Variants in GBP6 observed in about 807,000 individuals in gnomAD.
GBP6 encodes the protein guanylate-binding protein 6.
In GBP6, 54 loss-of-function variants were observed where a neutral mutation model predicts 61.5. That is an observed-to-expected ratio of 0.88 (90% CI 0.71 to 1.10). The LOEUF is 1.10. GBP6 is among the 50% of genes least tolerant of loss of function. GBP6 has a pLI of 0.00. For missense variants in GBP6, 748 were observed against 752.8 expected (o/e 0.99, Z 0.07); for synonymous variants, 255 against 273.7 (o/e 0.93, Z 0.67).
chr1:89,383,045 G>A (rs1297925464), intron 8 of GBP6, among the ~76,000 whole-genome samples, 169 bp downstream of exon 8: 1 of 152,050 alleles, frequency 6.6e-6, no homozygotes, highest in Non-Finnish European at 1.5e-5. Flanking sequence ...AAAACAAAGA[G>A]TATAGTATTC....
intron 1 of GBP6, among the ~76,000 whole-genome samples, chr1:89,364,514 G>A (rs1652404991): frequency 2.0e-5 from 3 of 152,160 alleles, no homozygotes; most frequent in Admixed American, 2.0e-4. Context: ...GTCACACTTA[G>A]GAAAGCTTCA....
chr1:89,385,555 T>C lies in GBP6; in HGVS notation c.*86T>C, dbSNP rs1653118638. 1 of 1,344,214 alleles carries C rather than the reference T, an allele frequency of 7.4e-7. No homozygotes were observed. 83.3% of individuals were successfully genotyped at this position (1,344,214 alleles called of 1,614,324 possible). Reference sequence around the variant, plus strand: ...TCATTCAGCAAGTTTTTTTTTTTTTTCAGAGTCTTACTCTGTTGCCCAGGC... The same window carrying C: ...TCATTCAGCAAGTTTTTTTTTTTTTCCAGAGTCTTACTCTGTTGCCCAGGC... On this transcript the variant is annotated 3_prime_UTR_variant, in exon 11 of 11. Transcript: ENST00000370456.
Position 89,381,734 on chromosome 1 carries a change from C to T in GBP6, c.912C>T (p.Asn304=). 2 of 1,614,046 alleles carry T rather than the reference C, an allele frequency of 1.2e-6. No individual in the cohort carries two copies. Among genetic ancestry groups the T allele is most frequent in the Non-Finnish European group, 1.7e-6 (2 of 1,179,956 alleles). The part of the protein sequence containing the change: ...TLAVTYVEAI[N]SGAVPCLENA... ...CAGTGACTTATGTAGAGGCCATCAA[C>T]AGTGGAGCAGTGCCTTGTCTGGAGA... The change falls in exon 7 of 11, where the codon AAC becomes AAT. Residue 304 remains asparagine, a synonymous_variant. Transcript: ENST00000370456.
chr1:89,371,072 C>A (rs2100660220), intron 3 of GBP6, among the ~76,000 whole-genome samples: 1 of 152,316 alleles, frequency 6.6e-6, no homozygotes, highest in Non-Finnish European at 1.5e-5. Context: ...TTAGATTCCA[C>A]AAATAGGTGA....
At chr1:89,376,705 G>A (rs1652818096) in intron 3 of GBP6, among the ~76,000 whole-genome samples, 1 of 151,988 alleles carries the variant, frequency 6.6e-6, no homozygotes, top group South Asian at 2.1e-4. Flanking sequence ...AGCATTTTGC[G>A]ATTCTGTATT....
rs774052556 is a variant in GBP6 at position 89,368,682 on chromosome 1, T to C, written c.131T>C (p.Val44Ala). 3 of 1,614,078 alleles carry C rather than the reference T, an allele frequency of 1.9e-6. No individual in the cohort carries two copies. Among genetic ancestry groups the C allele is most frequent in the Non-Finnish European group, 2.5e-6 (3 of 1,180,020 alleles). ...CAGCCAGTGGTGGTGGTGGCCATTG[T>C]AGGACTGTACCGTACAGGGAAATCC... ...ISQPVVVVAI[V>A]GLYRTGKSYL... The change falls in exon 2 of 11, where the codon GTA becomes GCA. Residue 44 changes from valine (V) to alanine (A), a missense_variant. Coordinates refer to ENST00000370456, the MANE Select transcript of GBP6 (RefSeq NM_198460.3).
rs1438145410 is a variant in GBP6, at chr1:89,381,749, T to A, written c.927T>A (p.Pro309=). The change falls in exon 7 of 11, where the codon CCT becomes CCA. Residue 309 remains proline (P), a synonymous_variant. Coordinates refer to ENST00000370456, the MANE Select transcript of GBP6 (RefSeq NM_198460.3). ...YVEAINSGAV[P]CLENAVITLA... is the part of the protein sequence containing the mutation. ...AGGCCATCAACAGTGGAGCAGTGCC[T>A]TGTCTGGAGAATGCAGTGATAACTC... 5 of 1,614,158 alleles carry A rather than the reference T, an allele frequency of 3.1e-6. No individual in the cohort carries two copies. Among genetic ancestry groups the A allele is most frequent in the Middle Eastern group, 1.6e-4 (1 of 6,062 alleles).
chr1:89,380,741 A>T, intron 6 of GBP6, 110 bp downstream of exon 6: 1 of 915,226 alleles, frequency 1.1e-6, no homozygotes, highest in South Asian at 1.8e-5. Context: ...ACGTGTATAC[A>T]GGTATTCACA....
At chr1:89,380,699 A>G (rs2100671666) in intron 6 of GBP6, 68 bp downstream of exon 6, 5 of 1,488,310 alleles carry the variant, frequency 3.4e-6, no homozygotes, top group East Asian at 2.3e-5. Flanking sequence ...TGTGTTTCTC[A>G]GAATTTTTGT....
chr1:89,385,362 A>AAGCTAC lies in GBP6; in HGVS notation c.1796_1797insGCTACA (p.Asn599delinsLysLeuHis), dbSNP rs1343984897. On this transcript the variant is annotated protein_altering_variant, in exon 11 of 11. Transcript: ENST00000370456. ...TCCCTGGATTGCACGAACCTTGGACAACCTTGCCGATGAGCTAACTGCAAT... is the reference window on the plus strand; with the variant it reads ...TCCCTGGATTGCACGAACCTTGGACAAGCTACACCTTGCCGATGAGCTAACTGCAAT... 2.5e-6 allele frequency: 4 copies of AAGCTAC among 1,614,064 alleles called. No homozygotes were observed. Among genetic ancestry groups the AAGCTAC allele is most frequent in the Non-Finnish European group, 8.5e-7 (1 of 1,180,036 alleles).
At chr1:89,380,732 C>T (rs59657813) in intron 6 of GBP6, 101 bp downstream of exon 6, 77,826 of 1,056,110 alleles carry the variant, frequency 0.074, 3,233 homozygotes, top group African/African-American at 0.12. Context: ...AGAAAAACTA[C>T]GTGTATACAG....
chr1:89,369,671 A>G lies in GBP6; in HGVS notation c.316A>G (p.Lys106Glu). 1 of 1,613,686 alleles carries G rather than the reference A, an allele frequency of 6.2e-7. No individual in the cohort carries two copies. The highest frequency in any genetic ancestry group is 8.5e-7 in the Non-Finnish European group (1 of 1,179,722). Residue 106 changes from lysine to glutamate, a missense_variant and splice_region_variant, in exon 3 of 11, where the codon AAG becomes GAG. Lys to Glu is a moderately conservative substitution (Grantham distance 56). Transcript: ENST00000370456. The part of the protein sequence containing the change: ...LDTEGLGDVE[K>E]GDPKNDSWIF... ...CACCGAAGGTCTGGGCGATGTGGAA[A>G]AGGTAAGACAGAGAGTCATAGACAG...
At chr1:89,378,234 A>G (rs1216027905) in intron 4 of GBP6, 22 bp downstream of exon 4, 1 of 1,591,572 alleles carries the variant, frequency 6.3e-7, no homozygotes, top group Non-Finnish European at 8.5e-7. Context: ...GGAACAGAAC[A>G]GAACCACCAG....
At chr1:89,382,055 C>A in intron 7 of GBP6, 81 bp downstream of exon 7, 1 of 1,337,044 alleles carries the variant, frequency 7.5e-7, no homozygotes, top group Non-Finnish European at 1.0e-6. Flanking sequence ...GTCACCAATG[C>A]TCATCTGTCA....
rs78680245 is a variant in GBP6, at chr1:89,382,734, C to A, written c.1223C>A (p.Ala408Asp). Residue 408 changes from alanine to aspartate, a missense_variant, in exon 8 of 11, where the codon GCT (alanine) becomes GAT (aspartate). Ala to Asp is a moderately radical substitution (Grantham distance 126, BLOSUM62 -2). Transcript: ENST00000370456. The stretch of plus-strand genomic sequence containing the variant: ...GAGTCATCTGTTCAATACTGCCAGG[C>A]TAAACTCAATGAGCTCTCAAAGGGA... Reference protein sequence around the residue: ...NEESSVQYCQAKLNELSKGLM... With the variant: ...NEESSVQYCQDKLNELSKGLM... The A allele has an allele frequency of 4.8e-4, 780 of 1,614,064 alleles. 18 individuals are homozygous for A. In the East Asian group the frequency reaches 0.017, roughly 36 times the overall value.
At chr1:89,373,998 A>G (rs182367964) in intron 3 of GBP6, among the ~76,000 whole-genome samples, 97 of 152,128 alleles carry the variant, frequency 6.4e-4, no homozygotes, top group Admixed American at 1.3e-3. Flanking sequence ...TTCTCGTGAT[A>G]GTGAGTAAGT....
At position 89,382,116 on chromosome 1, in the gene GBP6, C is replaced by A. The variant is rs1652998198; in HGVS notation, c.1152+142C>A. ...TCATGAGGGATAGAGTTTCAAAAGA[C>A]TACATATAAGCACTTAACTAGAAAA... On this transcript the variant is annotated intron_variant, in intron 7 of 10. Transcript: ENST00000370456. The A allele has an allele frequency of 2.6e-5, 22 of 840,850 alleles. No individual in the cohort carries two copies. The South Asian group carries it at 3.7e-4, about 14-fold the overall frequency. 52.1% of individuals were successfully genotyped at this position (840,850 alleles called of 1,614,324 possible).
In GBP6 at chr1:89,369,772, AG is replaced by A. The variant is rs1381826815; in HGVS notation, c.318+100del. The A allele has an allele frequency of 2.8e-6, 4 of 1,424,256 alleles. No individual in the cohort carries two copies. The African/African-American group carries it at 4.3e-5, about 15-fold the overall frequency. 88.2% of individuals were successfully genotyped at this position (1,424,256 alleles called of 1,614,324 possible). A position where few individuals can be genotyped will look rare whatever the true frequency, so the allele number is the denominator to read the frequency against. ...TTGTGCAAACTAGAAATCCAACTATAGCAAATAAGGCAAACTTTGACCTGTT... is the reference window on the plus strand; with the variant it reads ...TTGTGCAAACTAGAAATCCAACTATACAAATAAGGCAAACTTTGACCTGTT... On this transcript the variant is annotated intron_variant, in intron 3 of 10. Transcript: ENST00000370456.
intron 7 of GBP6, 23 bp downstream of exon 7, chr1:89,381,997 G>A: frequency 1.3e-6 from 2 of 1,574,556 alleles, no homozygotes; most frequent in Non-Finnish European, 1.7e-6. Flanking sequence ...AGTCATTACT[G>A]TTCATCATCC....
Sources: gnomAD v4.1 joint callset for allele counts (sites outside exome capture counted in the v4.1 genomes callset) on GRCh38, gnomAD v4.1.1 for gene constraint, MANE v1.5 for transcripts, NCBI Gene and HGNC (gene_info 2026-07-23, HGNC 2026-07-21) for gene names.